The following VRK2 variants were observed in gnomAD, a reference collection of about 807,000 sequenced individuals.
The protein encoded by VRK2 is VRK serine/threonine kinase 2.
A neutral mutation model predicts 57.6 loss-of-function variants in VRK2; 60 were observed. The ratio of observed to expected loss-of-function variants is 1.04; its 90% CI spans 0.85 to 1.29. The LOEUF is 1.29. VRK2 is among the 50% of genes most tolerant of loss of function. The probability of loss-of-function intolerance (pLI) is 0.00; values close to 1 mark genes in which losing one functional copy is unlikely to be tolerated. For missense variants in VRK2, 705 were observed against 588.1 expected, an observed-to-expected ratio of 1.20 and a Z score of -2.06; for synonymous variants, 231 against 199.2, an observed-to-expected ratio of 1.16 and a Z score of -1.35.
intron 1 of VRK2, among the ~76,000 whole-genome samples, chr2:58,005,129 G>T (rs1399714584): frequency 6.6e-6 from 1 of 152,114 alleles, no homozygotes; most frequent in African/African-American, 2.4e-5. Flanking sequence ...CCAATATATT[G>T]TATTCTGCAT....
intron 1 of VRK2, among the ~76,000 whole-genome samples, chr2:58,013,382 A>G (rs1572779314): frequency 1.3e-5 from 2 of 152,244 alleles, no homozygotes; most frequent in African/African-American, 4.8e-5. Context: ...CCAGCTTTGT[A>G]TAATATGTTT....
intron 7 of VRK2, among the ~76,000 whole-genome samples, chr2:58,116,526 G>A (rs1676519713): frequency 6.6e-6 from 1 of 152,084 alleles, no homozygotes; most frequent in African/African-American, 2.4e-5. Context: ...AGTTATGGAG[G>A]CAAGGGAAAC....
intron 1 of VRK2, among the ~76,000 whole-genome samples, chr2:57,926,439 ATGTGTGTGTG>A (rs142768773): frequency 3.4e-4 from 49 of 145,676 alleles, no homozygotes; most frequent in African/African-American, 7.1e-4. Flanking sequence ...ACATATATAT[ATGTGTGTGTG>A]TGTGTGTGTG....
chr2:58,154,993 T>A, intron 12 of VRK2, among the ~76,000 whole-genome samples: 1 of 152,154 alleles, frequency 6.6e-6, no homozygotes, highest in East Asian at 1.9e-4. Flanking sequence ...AGTTTAATTA[T>A]ATTATGGTCT....
At chr2:58,024,367 AAAAT>A (rs879743795) in intron 1 of VRK2, among the ~76,000 whole-genome samples, 2 of 152,172 alleles carry the variant, frequency 1.3e-5, no homozygotes, top group African/African-American at 2.4e-5. Context: ...ACAGGATTAG[AAAAT>A]AAATAAATAA....
At chr2:57,945,529 A>G (rs2103965733) in intron 1 of VRK2, among the ~76,000 whole-genome samples, 1 of 152,270 alleles carries the variant, frequency 6.6e-6, no homozygotes, top group East Asian at 1.9e-4. Context: ...ATATATTTTA[A>G]ATTCTCATCA....
intron 11 of VRK2, among the ~76,000 whole-genome samples, chr2:58,143,682 C>T (rs1041823960): frequency 6.6e-6 from 1 of 151,830 alleles, no homozygotes; most frequent in Non-Finnish European, 1.5e-5. Context: ...CTAAAAACTT[C>T]AATATCTTAG....
intron 12 of VRK2, among the ~76,000 whole-genome samples, chr2:58,151,624 T>C (rs1042010850): frequency 3.3e-5 from 5 of 151,532 alleles, no homozygotes; most frequent in African/African-American, 7.3e-5. Flanking sequence ...TCTACCATTA[T>C]GCAGTTTGCT....
chr2:58,137,235 TA>T, intron 10 of VRK2, among the ~76,000 whole-genome samples: 1 of 50,722 alleles, frequency 2.0e-5, no homozygotes, highest in African/African-American at 5.8e-5. Context: ...ATATGATACA[TA>T]TATATCATAT....
chr2:57,955,167 C>T (rs1042831988), intron 1 of VRK2, among the ~76,000 whole-genome samples: 1 of 152,020 alleles, frequency 6.6e-6, no homozygotes, highest in Admixed American at 6.6e-5. Flanking sequence ...GAGTAAACTT[C>T]AATTAATATT....
chr2:57,909,629 C>T (rs893782830), intron 1 of VRK2, among the ~76,000 whole-genome samples: 2 of 152,122 alleles, frequency 1.3e-5, no homozygotes, highest in Non-Finnish European at 1.5e-5. Flanking sequence ...TGGTAAAACT[C>T]GCTGTCAAGA....
At chr2:58,095,338 T>C (rs1411927558) in intron 7 of VRK2, among the ~76,000 whole-genome samples, 2 of 151,920 alleles carry the variant, frequency 1.3e-5, no homozygotes, top group Non-Finnish European at 2.9e-5. Flanking sequence ...TCATTGAAAT[T>C]ATGTTAAGTT....
chr2:58,003,879 C>T (rs540187938), intron 1 of VRK2, among the ~76,000 whole-genome samples: 10 of 152,156 alleles, frequency 6.6e-5, no homozygotes, highest in South Asian at 6.2e-4. Flanking sequence ...TTTACTATAA[C>T]TTGTTTACTA....
At chr2:58,143,637 C>G (rs183123215) in intron 11 of VRK2, among the ~76,000 whole-genome samples, 37 of 151,950 alleles carry the variant, frequency 2.4e-4, no homozygotes, top group Admixed American at 2.1e-3. Flanking sequence ...AGGGCAAAAA[C>G]TCTTAAACCT....
At chr2:58,146,238 G>A in intron 11 of VRK2, 78 bp from the exon 12 acceptor site, 1 of 1,249,512 alleles carries the variant, frequency 8.0e-7, no homozygotes, top group South Asian at 1.9e-5. Context: ...GAGCTTTTAA[G>A]AATCTGGACA....
chr2:57,938,260 A>G (rs1023290660), intron 1 of VRK2, among the ~76,000 whole-genome samples: 1 of 152,234 alleles, frequency 6.6e-6, no homozygotes, highest in African/African-American at 2.4e-5. Flanking sequence ...ATAATGTTCA[A>G]TAAATGTTAA....
At chr2:58,139,476 T>C (rs974822224) in intron 10 of VRK2, among the ~76,000 whole-genome samples, 190 bp from the exon 11 acceptor site, 8 of 152,140 alleles carry the variant, frequency 5.3e-5, no homozygotes, top group Admixed American at 5.2e-4. Flanking sequence ...TCATCAATTC[T>C]GTAGGTCACT....
At chr2:57,985,615 C>T (rs772695777) in intron 1 of VRK2, among the ~76,000 whole-genome samples, 1 of 152,056 alleles carries the variant, frequency 6.6e-6, no homozygotes, top group Admixed American at 6.5e-5. Flanking sequence ...TGGTGAAACA[C>T]TGAATGATTT....
At chr2:58,033,986 A>C (rs558037210) in intron 3 of VRK2, among the ~76,000 whole-genome samples, 71 of 152,172 alleles carry the variant, frequency 4.7e-4, no homozygotes, top group African/African-American at 1.6e-3. Flanking sequence ...TCAAGCTCCC[A>C]TGCAATGTAA....
Sources: gnomAD v4.1 joint callset for allele counts (sites outside exome capture counted in the v4.1 genomes callset) on GRCh38, gnomAD v4.1.1 for gene constraint, MANE v1.5 for transcripts, NCBI Gene and HGNC (gene_info 2026-07-23, HGNC 2026-07-21) for gene names.